The following AFF3 variants were observed in gnomAD, a reference collection of about 807,000 sequenced individuals.
AFF3 encodes AF4/FMR2 family member 3.
AFF3 carries 32 observed loss-of-function variants against 129.7 expected under a neutral mutation model. The observed-to-expected ratio is 0.25, with a 90% CI of 0.19 to 0.33. AFF3 has a LOEUF of 0.33. AFF3 is among the 10% of genes least tolerant of loss of function. The probability of loss-of-function intolerance (pLI) is 1.00; values close to 1 mark genes in which losing one functional copy is unlikely to be tolerated. For synonymous variants in AFF3, 644 were observed against 635.4 expected, an observed-to-expected ratio of 1.01 and a Z score of -0.20; for missense variants, 1,373 against 1,592.0, an observed-to-expected ratio of 0.86 and a Z score of 2.34.
At chr2:99,814,910 C>T (rs907265120) in intron 8 of AFF3, among the ~76,000 whole-genome samples, 4 of 149,664 alleles carry the variant, frequency 2.7e-5, no homozygotes, top group Non-Finnish European at 5.9e-5. Flanking sequence ...AGTGCAGTGG[C>T]GTGATCTTGG....
chr2:99,791,169 G>A (rs1013750105), intron 8 of AFF3, among the ~76,000 whole-genome samples: 2 of 152,154 alleles, frequency 1.3e-5, no homozygotes, highest in East Asian at 1.9e-4. Context: ...TAAGGGTTGA[G>A]GTTCCTCTTC....
chr2:99,585,759 C>G (rs1678045108), intron 16 of AFF3, among the ~76,000 whole-genome samples: 1 of 152,060 alleles, frequency 6.6e-6, no homozygotes, highest in African/African-American at 2.4e-5. Context: ...GAGATGGAAC[C>G]TCTCTGTCGC....
chr2:100,010,080 C>T (rs186169297), intron 4 of AFF3, among the ~76,000 whole-genome samples: 8 of 152,266 alleles, frequency 5.3e-5, no homozygotes, highest in East Asian at 1.9e-4. Flanking sequence ...GGTCTCTCTA[C>T]GCCTTAATGA....
intron 7 of AFF3, among the ~76,000 whole-genome samples, chr2:99,844,926 T>C (rs958415772): frequency 4.6e-5 from 7 of 151,960 alleles, no homozygotes; most frequent in African/African-American, 1.7e-4. Flanking sequence ...TTCGATTATA[T>C]TTGTTGAATG....
intron 7 of AFF3, among the ~76,000 whole-genome samples, chr2:99,942,556 G>C (rs971753581): frequency 7.4e-6 from 1 of 134,394 alleles, no homozygotes; most frequent in Non-Finnish European, 1.6e-5. Context: ...GCGGGGGGGG[G>C]GTCGCGGCAC....
intron 7 of AFF3, among the ~76,000 whole-genome samples, chr2:99,896,652 T>G (rs13005479): frequency 1.6e-5 from 2 of 127,442 alleles, no homozygotes; most frequent in East Asian, 4.5e-4. Flanking sequence ...TTTTTTTTTT[T>G]GGAGACGGAG....
intron 2 of AFF3, among the ~76,000 whole-genome samples, chr2:100,126,540 A>G (rs1158804583): frequency 1.3e-5 from 2 of 152,210 alleles, no homozygotes; most frequent in African/African-American, 4.8e-5. Flanking sequence ...AGTGCATCGA[A>G]GCAGTAATTT....
At chr2:99,602,145 G>T (rs1003230348) in intron 13 of AFF3, among the ~76,000 whole-genome samples, 1 of 152,208 alleles carries the variant, frequency 6.6e-6, no homozygotes, top group African/African-American at 2.4e-5. Flanking sequence ...CTGCTGGAAG[G>T]TTCCAGAGAC....
chr2:99,863,184 C>T (rs758109664), intron 7 of AFF3, among the ~76,000 whole-genome samples: 7 of 152,204 alleles, frequency 4.6e-5, no homozygotes, highest in African/African-American at 4.8e-5. Flanking sequence ...AGCTTTTTTA[C>T]AGATGGATGT....
intron 7 of AFF3, among the ~76,000 whole-genome samples, chr2:99,882,219 C>T (rs1376037143): frequency 1.3e-5 from 2 of 152,184 alleles, no homozygotes; most frequent in East Asian, 3.8e-4. Context: ...AATGAAGACA[C>T]AAGTAACTGC....
chr2:100,017,436 T>C (rs2104835613), intron 4 of AFF3, among the ~76,000 whole-genome samples: 1 of 152,340 alleles, frequency 6.6e-6, no homozygotes, highest in Admixed American at 6.5e-5. Context: ...GGAGCATTTC[T>C]AGATCTCTAC....
chr2:99,957,704 A>C (rs1676799731), intron 7 of AFF3, among the ~76,000 whole-genome samples: 1 of 152,238 alleles, frequency 6.6e-6, no homozygotes, highest in African/African-American at 2.4e-5. Context: ...GAAGGTCTGT[A>C]GAAGACAGAA....
At chr2:99,715,634 A>C (rs1453952033) in intron 11 of AFF3, among the ~76,000 whole-genome samples, 1 of 145,174 alleles carries the variant, frequency 6.9e-6, no homozygotes, top group Non-Finnish European at 1.5e-5. Flanking sequence ...GGAGTTCAAC[A>C]CTCTCTGTTT....
At chr2:100,033,239 A>T (rs1422282294) in intron 4 of AFF3, among the ~76,000 whole-genome samples, 2 of 152,226 alleles carry the variant, frequency 1.3e-5, no homozygotes, top group African/African-American at 4.8e-5. Flanking sequence ...CATTACAAAC[A>T]TACAGGGTTA....
chr2:99,926,243 G>C (rs1027461307), intron 7 of AFF3, among the ~76,000 whole-genome samples: 1 of 152,222 alleles, frequency 6.6e-6, no homozygotes, highest in African/African-American at 2.4e-5. Context: ...AGTGCAAAGT[G>C]CACATACAGG....
At chr2:99,685,279 T>A (rs957584200) in intron 11 of AFF3, among the ~76,000 whole-genome samples, 2 of 152,198 alleles carry the variant, frequency 1.3e-5, no homozygotes, top group Non-Finnish European at 2.9e-5. Context: ...AGGCCAAGTA[T>A]ATTGAGAGTT....
At chr2:99,622,843 G>C (rs1682159571) in intron 13 of AFF3, among the ~76,000 whole-genome samples, 1 of 152,126 alleles carries the variant, frequency 6.6e-6, no homozygotes, top group Non-Finnish European at 1.5e-5. Context: ...GGCTGGGCAT[G>C]GGCACAGGCA....
intron 11 of AFF3, among the ~76,000 whole-genome samples, chr2:99,720,852 T>C (rs2104946061): frequency 6.6e-6 from 1 of 152,346 alleles, no homozygotes; most frequent in East Asian, 1.9e-4. Flanking sequence ...ATCTTTATCT[T>C]ATCCCCAGTC....
chr2:99,893,895 G>A (rs374546721), intron 7 of AFF3, among the ~76,000 whole-genome samples: 8 of 152,098 alleles, frequency 5.3e-5, no homozygotes, highest in African/African-American at 9.7e-5. Context: ...TTTACATCCC[G>A]TTCTGCCACT....
Sources: gnomAD v4.1 joint callset for allele counts (sites outside exome capture counted in the v4.1 genomes callset) on GRCh38, gnomAD v4.1.1 for gene constraint, MANE v1.5 for transcripts, NCBI Gene and HGNC (gene_info 2026-07-23, HGNC 2026-07-21) for gene names.